THRA: variants seen among roughly 807,000 people sequenced by gnomAD.
THRA encodes EAR-7.
THRA carries 13 observed loss-of-function variants against 45.0 expected under a neutral mutation model. The ratio of observed to expected loss-of-function variants is 0.29; its 90% CI spans 0.19 to 0.46. The LOEUF (loss-of-function observed/expected upper bound fraction) is 0.46. Among genes scored for constraint, THRA ranks in the 20% least tolerant of loss-of-function variants. The pLI, the probability that THRA is intolerant of heterozygous loss-of-function variation, is 1.00. For synonymous variants in THRA, 195 were observed against 214.0 expected (o/e 0.91, Z 0.78); for missense variants, 278 against 556.1 (o/e 0.50, Z 5.03).
rs2145088778 is a variant in THRA, at chr17:40,090,161, C to A, written c.*705C>A. Reference sequence around the variant, plus strand: ...TGCACTTTGCGAGCTGCCCCTTCTTCCCCCACATCAGAGAGAAATGCCCCC... The same window carrying A: ...TGCACTTTGCGAGCTGCCCCTTCTTACCCCACATCAGAGAGAAATGCCCCC... On this transcript the variant is annotated 3_prime_UTR_variant, in exon 9 of 9. Transcript: ENST00000450525. 1 of 337,146 alleles carries A rather than the reference C, an allele frequency of 3.0e-6. No individual in the cohort carries two copies. The highest frequency in any genetic ancestry group is 4.1e-6 in the Non-Finnish European group (1 of 241,742). 20.9% of individuals were successfully genotyped at this position (337,146 alleles called of 1,614,324 possible).
chr17:40,080,168 G>A (rs1987089018), intron 4 of THRA, among the ~76,000 whole-genome samples: 1 of 152,156 alleles, frequency 6.6e-6, no homozygotes, highest in African/African-American at 2.4e-5. Context: ...AGGAGGCCAA[G>A]GTGGGAGGAT....
intron 2 of THRA, among the ~76,000 whole-genome samples, chr17:40,075,400 T>C (rs934452571): frequency 6.6e-6 from 1 of 152,112 alleles, no homozygotes; most frequent in Non-Finnish European, 1.5e-5. Flanking sequence ...GGCAAAGCCC[T>C]AAGGCCCACA....
chr17:40,069,273 C>T (rs1226612472), intron 1 of THRA, among the ~76,000 whole-genome samples: 2 of 150,224 alleles, frequency 1.3e-5, no homozygotes, highest in East Asian at 3.9e-4. Flanking sequence ...CCCTTTCTGT[C>T]CCTGTCTCTC....
At chr17:40,087,985 T>A (rs1171943121) in intron 7 of THRA, among the ~76,000 whole-genome samples, 1 of 152,188 alleles carries the variant, frequency 6.6e-6, no homozygotes, top group African/African-American at 2.4e-5. Context: ...GGTCTCGAAC[T>A]CCTGACCTCA....
chr17:40,084,724 C>T lies in THRA; in HGVS notation c.485C>T (p.Pro162Leu). The change falls in exon 6 of 9, where the codon CCT (proline) becomes CTT (leucine). Residue 162 changes from proline to leucine, a missense_variant. This residue lies in a region of THRA where 111 missense variants were observed against 167.1 expected (regional missense o/e 0.66). Transcript: ENST00000450525. ...CTGCAGCAGCGACCAGAGCCCACTC[C>T]TGAAGAGTGGGATCTGATCCACATT... ...RSLQQRPEPTPEEWDLIHIAT... is the reference protein window; with the variant it reads ...RSLQQRPEPTLEEWDLIHIAT... 1.2e-6 allele frequency: 2 copies of T among 1,614,104 alleles called. No homozygotes were observed. Among genetic ancestry groups the T allele is most frequent in the Non-Finnish European group, 1.7e-6 (2 of 1,180,014 alleles).
intron 1 of THRA, among the ~76,000 whole-genome samples, chr17:40,063,673 C>T (rs1298370320): frequency 2.0e-5 from 3 of 152,108 alleles, no homozygotes; most frequent in African/African-American, 7.2e-5. Context: ...TGCAAAAACG[C>T]GGTTGTTGGG....
intron 1 of THRA, among the ~76,000 whole-genome samples, chr17:40,066,692 A>G (rs1354694313): frequency 6.7e-5 from 5 of 74,870 alleles, no homozygotes; most frequent in Non-Finnish European, 1.3e-4. Flanking sequence ...AAAGAAAAAC[A>G]AAAAAGAACA....
In THRA at chr17:40,065,047, T is replaced by G. The variant is rs956569838; in HGVS notation, c.-298+1955T>G. The stretch of plus-strand genomic sequence containing the variant: ...TCAGCCACTGTGCGGGAATGGGCTG[T>G]TTTTTTTTTCTTTCTTTCTTTTAGA... On this transcript the variant is annotated intron_variant, in intron 1 of 8. Transcript: ENST00000450525. Among the ~76,000 whole-genome samples, 3 of 67,976 alleles carry G rather than the reference T, an allele frequency of 4.4e-5. No homozygotes were observed. The East Asian group carries it at 1.0e-3, about 23-fold the overall frequency. 44.6% of individuals were successfully genotyped at this position (67,976 alleles called of 152,430 possible).
chr17:40,063,412 C>T (rs968937686), intron 1 of THRA, among the ~76,000 whole-genome samples: 2 of 152,144 alleles, frequency 1.3e-5, no homozygotes, highest in African/African-American at 4.8e-5. Flanking sequence ...GGGCCGGGCC[C>T]CGTTGCCGGC....
At position 40,092,899 on chromosome 17, in the gene THRA, G is replaced by A. The variant is rs1424670954; in HGVS notation, c.*3443G>A. ...TTAAATAGGGGAGGAGGGGAAGTTC[G>A]GTGATGGGGGAGGGAGGCAGGTATT... On this transcript the variant is annotated 3_prime_UTR_variant, in exon 9 of 9. Coordinates refer to ENST00000450525, the MANE Select transcript of THRA (RefSeq NM_199334.5). 22 of 1,399,964 alleles carry A rather than the reference G, an allele frequency of 1.6e-5. No homozygotes were observed. The highest frequency in any genetic ancestry group is 2.6e-4 in the Middle Eastern group (1 of 3,920). 86.7% of individuals were successfully genotyped at this position (1,399,964 alleles called of 1,614,324 possible).
intron 2 of THRA, among the ~76,000 whole-genome samples, chr17:40,075,990 G>A (rs1321477224): frequency 6.6e-6 from 1 of 152,240 alleles, no homozygotes; most frequent in Non-Finnish European, 1.5e-5. Context: ...CACGCAGGGT[G>A]GGTGCGGGAG....
At position 40,087,414 on chromosome 17, in the gene THRA, GCACA is replaced by G. The variant is rs112827341; in HGVS notation, c.723+577_723+580del. Among the ~76,000 whole-genome samples, 299 of 119,352 alleles carry G rather than the reference GCACA, an allele frequency of 2.5e-3. 3 individuals carry two copies. Among genetic ancestry groups the G allele is most frequent in the Admixed American group, 0.02 (242 of 11,926 alleles). 78.3% of individuals were successfully genotyped at this position (119,352 alleles called of 152,430 possible). A position where few individuals can be genotyped will look rare whatever the true frequency, so the allele number is the denominator to read the frequency against. On this transcript the variant is annotated intron_variant, in intron 7 of 8. Transcript: ENST00000450525. ...ACACACAGACACACCCAGCACACAG[GCACA>G]CACACACACACACACCTAGCAGACA...
chr17:40,070,602 T>C (rs12450388), intron 1 of THRA, among the ~76,000 whole-genome samples: 61,645 of 152,044 alleles, frequency 0.41, 12,830 homozygotes, highest in Middle Eastern at 0.57. Flanking sequence ...TGGGCCACGG[T>C]GGCCGCCCCG....
intron 6 of THRA, 81 bp from the exon 7 acceptor site, chr17:40,086,626 G>A: frequency 6.5e-7 from 1 of 1,547,822 alleles, no homozygotes; most frequent in South Asian, 1.2e-5. Context: ...CTGCCTTGGA[G>A]CTCCCCCTGG....
intron 1 of THRA, among the ~76,000 whole-genome samples, chr17:40,066,663 CAA>C (rs553082902): frequency 0.063 from 3,088 of 49,332 alleles, 49 homozygotes; most frequent in African/African-American, 0.17. Flanking sequence ...GACTCCGTCT[CAA>C]AAAAAAAAAA....
At chr17:40,070,436 C>A (rs1189240288) in intron 1 of THRA, among the ~76,000 whole-genome samples, 1 of 152,202 alleles carries the variant, frequency 6.6e-6, no homozygotes, top group Non-Finnish European at 1.5e-5. Flanking sequence ...AGGCCTCTGC[C>A]CCTCAGCATG....
upstream of THRA, chr17:40,062,765 G>A (rs1262238814): frequency 1.6e-5 from 2 of 127,858 alleles, no homozygotes; most frequent in East Asian, 4.7e-4. Context: ...TCTGGCGGGG[G>A]TCCCGGGGCG....
At position 40,090,108 on chromosome 17, in the gene THRA, A is replaced by G; in HGVS notation, c.*652A>G. On this transcript the variant is annotated 3_prime_UTR_variant, in exon 9 of 9. Coordinates refer to ENST00000450525, the MANE Select transcript of THRA (RefSeq NM_199334.5). ...TAAGTTATTAACTGAGGCTGACCAG[A>G]GGGGAGGACCCCCCCTTTACCACCC... 1.1e-6 allele frequency: 1 copy of G among 892,534 alleles called. No homozygotes were observed. Among genetic ancestry groups the G allele is most frequent in the Non-Finnish European group, 1.3e-6 (1 of 745,116 alleles). The allele number at this position is 892,534 out of a possible 1,614,324, so 55.3% of individuals were successfully genotyped here.
At chr17:40,078,727 C>CTTTTTTTTTTTTTT (rs746350223) in intron 4 of THRA, among the ~76,000 whole-genome samples, 1 of 102,612 alleles carries the variant, frequency 9.7e-6, no homozygotes. Flanking sequence ...CAGCCTTCAT[C>CTTTTTTTTTTTTTT]TTTTTTTTTT....
Sources: gnomAD v4.1 joint callset for allele counts (sites outside exome capture counted in the v4.1 genomes callset) on GRCh38, gnomAD v4.1.1 for gene constraint, gnomAD v4.1.1 regional missense constraint, MANE v1.5 for transcripts, NCBI Gene and HGNC (gene_info 2026-07-23, HGNC 2026-07-21) for gene names.